KCNMB1: variants seen among roughly 807,000 people sequenced by gnomAD.
The protein encoded by KCNMB1 is potassium calcium-activated channel subfamily M regulatory beta subunit 1.
In KCNMB1, 22 loss-of-function variants were observed where a neutral mutation model predicts 21.7. That is an observed-to-expected ratio of 1.01 (90% CI 0.72 to 1.45). KCNMB1 has a LOEUF of 1.45. KCNMB1 is among the 40% of genes most tolerant of loss of function. The pLI, the probability that KCNMB1 is intolerant of heterozygous loss-of-function variation, is 0.00. For missense variants in KCNMB1, 243 were observed against 243.4 expected (o/e 1.00, Z 0.01); for synonymous variants, 114 against 107.6 (o/e 1.06, Z -0.37).
rs1763976330 is a variant in KCNMB1, at chr5:170,375,832, T to C, written c.*2872A>G. 6.6e-6 allele frequency: 1 copy of C among 152,246 alleles called. No homozygotes were observed. The highest frequency in any genetic ancestry group is 2.4e-5 in the African/African-American group (1 of 41,462). 9.4% of individuals were successfully genotyped at this position (152,246 alleles called of 1,614,324 possible). ...AAAAATTTGTTTCATGCCAAAACTC[T>C]ATGGAAAGATACTATTATCAGTTTC... On this transcript the variant is annotated 3_prime_UTR_variant, in exon 4 of 4. Transcript: ENST00000274629.
At chr5:170,383,362 C>A in intron 3 of KCNMB1, 1 of 592,130 alleles carries the variant, frequency 1.7e-6, no homozygotes, top group Non-Finnish European at 3.0e-6. Context: ...AAGCGTGGCA[C>A]TTTATATACA....
chr5:170,378,351 G>A lies in KCNMB1; in HGVS notation c.*353C>T. On this transcript the variant is annotated 3_prime_UTR_variant, in exon 4 of 4. Transcript: ENST00000274629. The stretch of plus-strand genomic sequence containing the variant: ...TGGGGGAGGATGGGTACCGCTTTGA[G>A]ACAACAGGGAGAACTCAGGCACAGA... The A allele has an allele frequency of 4.7e-6, 1 of 212,330 alleles. No individual in the cohort carries two copies. Among genetic ancestry groups the A allele is most frequent in the Non-Finnish European group, 9.3e-6 (1 of 107,440 alleles). The allele number at this position is 212,330 out of a possible 1,614,324, so 13.2% of individuals were successfully genotyped here.
At chr5:170,385,829 G>A (rs1443216660) in intron 1 of KCNMB1, among the ~76,000 whole-genome samples, 1 of 151,958 alleles carries the variant, frequency 6.6e-6, no homozygotes, top group African/African-American at 2.4e-5. Flanking sequence ...TAAGATAAAG[G>A]CTCTTGAAGG....
chr5:170,383,083 A>G (rs1764316057), intron 3 of KCNMB1: 1 of 155,018 alleles, frequency 6.5e-6, no homozygotes, highest in African/African-American at 2.4e-5. Flanking sequence ...ATATGGGCCA[A>G]CTGATCGCTT....
intron 1 of KCNMB1, among the ~76,000 whole-genome samples, chr5:170,387,225 G>A (rs1764512324): frequency 6.6e-6 from 1 of 152,136 alleles, no homozygotes; most frequent in African/African-American, 2.4e-5. Context: ...ATATCAGGGG[G>A]ACTTTATTCT....
intron 3 of KCNMB1, among the ~76,000 whole-genome samples, chr5:170,379,366 T>C (rs987089863): frequency 4.6e-5 from 7 of 152,134 alleles, no homozygotes; most frequent in Non-Finnish European, 1.0e-4. Flanking sequence ...CACAGAGCTA[T>C]CTAAGGAAAC....
At position 170,374,767 on chromosome 5, in the gene KCNMB1, T is replaced by C. The variant is rs969736875; in HGVS notation, c.*3937A>G. On this transcript the variant is annotated 3_prime_UTR_variant, in exon 4 of 4. Coordinates refer to ENST00000274629, the MANE Select transcript of KCNMB1 (RefSeq NM_004137.4). Reference sequence around the variant, plus strand: ...CACGTAGGCACAGGGTCTAACTCCATCATGCCTAAATTCCCATTATTTCAT... The same window carrying C: ...CACGTAGGCACAGGGTCTAACTCCACCATGCCTAAATTCCCATTATTTCAT... 4.1e-4 allele frequency: 63 copies of C among 152,208 alleles called. No homozygotes were observed. The highest frequency in any genetic ancestry group is 1.4e-3 in the African/African-American group (59 of 41,460). The allele number at this position is 152,208 out of a possible 1,614,324, so 9.4% of individuals were successfully genotyped here.
intron 3 of KCNMB1, chr5:170,383,338 A>T: frequency 5.3e-6 from 3 of 570,988 alleles, no homozygotes; most frequent in Non-Finnish European, 9.4e-6. Flanking sequence ...AGTGCCCACT[A>T]TCCACTCAGC....
Position 170,378,926 on chromosome 5 carries a change from G to A in KCNMB1, c.354C>T (p.Ala118=), listed in dbSNP as rs761058886. ...GSVDNYQTAR[A]DVEKVRAKFQ... ...ATTTGGCTCTGACCTTCTCCACGTCGGCCCGGGCCGTCTGGTAATTGTCCA... is the reference window on the plus strand; with the variant it reads ...ATTTGGCTCTGACCTTCTCCACGTCAGCCCGGGCCGTCTGGTAATTGTCCA... The change falls in exon 4 of 4, where the codon GCC becomes GCT. Residue 118 remains alanine, a synonymous_variant. Transcript: ENST00000274629. The A allele has an allele frequency of 1.2e-5, 20 of 1,614,050 alleles. No homozygotes were observed. Among genetic ancestry groups the A allele is most frequent in the Middle Eastern group, 1.6e-4 (1 of 6,082 alleles).
Position 170,385,419 on chromosome 5 carries a change from T to C in KCNMB1, c.29A>G (p.Lys10Arg), listed in dbSNP as rs767045196. The C allele has an allele frequency of 1.2e-6, 2 of 1,614,146 alleles. No individual in the cohort carries two copies. Among genetic ancestry groups the C allele is most frequent in the South Asian group, 1.1e-5 (1 of 91,074 alleles). The change falls in exon 2 of 4, where the codon AAG becomes AGG. Residue 10 changes from lysine to arginine, a missense_variant. Transcript: ENST00000274629. ...GCAAAGGGCTCGTGTCTCTCCCCGC[T>C]TCTGGGCCATCACCAGCTTCTTCAC... Reference protein sequence around the residue: MVKKLVMAQKRGETRALCLG... With the variant: MVKKLVMAQRRGETRALCLG...
intron 1 of KCNMB1, among the ~76,000 whole-genome samples, chr5:170,388,685 G>C (rs977342914): frequency 6.6e-6 from 1 of 152,166 alleles, no homozygotes; most frequent in Non-Finnish European, 1.5e-5. Context: ...GTGGGGTGTG[G>C]ACAGGGCGAT....
At chr5:170,382,005 AG>A (rs1229140813) in intron 3 of KCNMB1, among the ~76,000 whole-genome samples, 1 of 151,938 alleles carries the variant, frequency 6.6e-6, no homozygotes, top group Non-Finnish European at 1.5e-5. Flanking sequence ...AGCACTCTCA[AG>A]ATCCCCCAGC....
chr5:170,383,684 G>T lies in KCNMB1; in HGVS notation c.301C>A (p.Gln101Lys). ...YHTEDTRDQN[Q>K]QCSYIPGSVD... ...CCATCCCTCCAGTTCAGTACCTGCT[G>T]GTTCTGGTCCCGAGTGTCCTCCGTG... Residue 101 changes from glutamine (Q) to lysine (K), a missense_variant, in exon 3 of 4, where the codon CAG becomes AAG. Physicochemically the swap from Gln to Lys is moderately conservative, Grantham distance 53. Coordinates refer to ENST00000274629, the MANE Select transcript of KCNMB1 (RefSeq NM_004137.4). 1 of 1,614,126 alleles carries T rather than the reference G, an allele frequency of 6.2e-7. No homozygotes were observed.
intron 2 of KCNMB1, among the ~76,000 whole-genome samples, chr5:170,384,657 A>T (rs1057431865): frequency 6.6e-6 from 1 of 152,246 alleles, no homozygotes; most frequent in Admixed American, 6.5e-5. Context: ...TCTGAGACTT[A>T]TCCTAAGGAC....
chr5:170,385,567 T>A, intron 1 of KCNMB1, 96 bp from the exon 2 acceptor site: 1 of 1,102,452 alleles, frequency 9.1e-7, no homozygotes, highest in Non-Finnish European at 1.3e-6. Flanking sequence ...ACTCAACTAT[T>A]AATATCACTC....
chr5:170,384,208 G>A (rs1764374024), intron 2 of KCNMB1, among the ~76,000 whole-genome samples: 1 of 152,194 alleles, frequency 6.6e-6, no homozygotes, highest in African/African-American at 2.4e-5. Context: ...TTTTTTCAAA[G>A]CTCCCTGATG....
chr5:170,385,010 T>C (rs1196067568), intron 2 of KCNMB1, among the ~76,000 whole-genome samples: 4 of 152,204 alleles, frequency 2.6e-5, no homozygotes, highest in Non-Finnish European at 5.9e-5. Flanking sequence ...GGGATCAAAC[T>C]TGCACTGGAA....
At chr5:170,385,692 G>A (rs1397701989) in intron 1 of KCNMB1, among the ~76,000 whole-genome samples, 1 of 129,362 alleles carries the variant, frequency 7.7e-6, no homozygotes, top group Non-Finnish European at 1.7e-5. Context: ...GCTCAGAGAG[G>A]TAAAGTGACT....
At chr5:170,389,013 T>C (rs1764599654) in intron 1 of KCNMB1, among the ~76,000 whole-genome samples, 1 of 152,222 alleles carries the variant, frequency 6.6e-6, no homozygotes, top group Non-Finnish European at 1.5e-5. Flanking sequence ...TGCAGCCTTC[T>C]GGCCACTCTG....
Sources: allele counts gnomAD v4.1 joint callset (sites outside exome capture counted in the v4.1 genomes callset), GRCh38; gene constraint gnomAD v4.1.1; transcripts MANE v1.5; gene names NCBI Gene and HGNC (gene_info 2026-07-23, HGNC 2026-07-21).